WNK2: variants seen among roughly 807,000 people sequenced by gnomAD.
The protein encoded by WNK2 is serine/threonine-protein kinase WNK2.
In WNK2, 67 loss-of-function variants were observed where a neutral mutation model predicts 192.1. The ratio of observed to expected loss-of-function variants is 0.35; its 90% CI spans 0.29 to 0.43. WNK2 has a LOEUF of 0.43. WNK2 is among the 20% of genes least tolerant of loss of function. The pLI is 1.00. For missense variants in WNK2, 2,698 were observed against 3,089.7 expected (o/e 0.87, Z 3.01); for synonymous variants, 1,439 against 1,393.9 (o/e 1.03, Z -0.72).
chr9:93,279,451 G>A (rs1005984301), intron 19 of WNK2, among the ~76,000 whole-genome samples: 9 of 152,194 alleles, frequency 5.9e-5, no homozygotes, highest in African/African-American at 2.2e-4. Flanking sequence ...CCAAACAAGC[G>A]CCCTGTTCAT....
intron 23 of WNK2, among the ~76,000 whole-genome samples, chr9:93,293,898 ACT>A (rs1849794286): frequency 6.9e-6 from 1 of 144,208 alleles, no homozygotes; most frequent in Non-Finnish European, 1.5e-5. Context: ...TTTCTGGCAC[ACT>A]CTCTCTTCCT....
chr9:93,229,807 G>A lies in WNK2; in HGVS notation c.793G>A (p.Ala265Thr), dbSNP rs768196350. 5.6e-6 allele frequency: 9 copies of A among 1,613,944 alleles called. No homozygotes were observed. The South Asian group carries it at 6.6e-5, about 12-fold the overall frequency. ...VRFYDFWESS[A>T]KGKRCIVLVT... ...CTTCTACGACTTCTGGGAGTCCAGCGCCAAGGGCAAGCGGTGCATTGTGCT... is the reference window on the plus strand; with the variant it reads ...CTTCTACGACTTCTGGGAGTCCAGCACCAAGGGCAAGCGGTGCATTGTGCT... The change falls in exon 3 of 30, where the codon GCC becomes ACC. Residue 265 changes from alanine (A) to threonine (T), a missense_variant. By Grantham distance (58) the Ala-to-Thr change is moderately conservative. This residue lies in a region of WNK2 where 230 missense variants were observed against 501.1 expected (regional missense o/e 0.46). Transcript: ENST00000427277. This position sits in a 1 kb window ranked among gnomAD's most constrained non-coding sequence, Gnocchi z 4.9.
chr9:93,249,421 G>A (rs1293856768), intron 8 of WNK2, among the ~76,000 whole-genome samples: 2 of 152,192 alleles, frequency 1.3e-5, no homozygotes, highest in African/African-American at 4.8e-5. Flanking sequence ...CAGACCAACT[G>A]AGGATTCTGT....
At chr9:93,240,736 G>A (rs1840628546) in intron 7 of WNK2, among the ~76,000 whole-genome samples, 1 of 152,194 alleles carries the variant, frequency 6.6e-6, no homozygotes. Context: ...GTGGGGACAG[G>A]TGCAGCAGGT....
At chr9:93,254,599 A>C (rs1371814946) in intron 9 of WNK2, among the ~76,000 whole-genome samples, 2 of 152,228 alleles carry the variant, frequency 1.3e-5, no homozygotes, top group Non-Finnish European at 2.9e-5. Context: ...ACTCATTTGC[A>C]ATTTGCATTT....
chr9:93,309,297 A>G (rs1853210713), intron 28 of WNK2: 1 of 219,998 alleles, frequency 4.5e-6, no homozygotes, highest in African/African-American at 2.3e-5. Context: ...GTGAACATCC[A>G]TAGGACCCAC....
chr9:93,267,933 C>T lies in WNK2; in HGVS notation c.3867+17C>T, dbSNP rs56041282. The stretch of plus-strand genomic sequence containing the variant: ...ACCGGGGAGGTGAGGTTGTGAAATC[C>T]GGGGTGGGAGGTGGTGAGAGTGCAG... On this transcript the variant is annotated intron_variant, in intron 17 of 29. Coordinates refer to ENST00000427277, the MANE Select transcript of WNK2 (RefSeq NM_006648.4). 73 of 1,610,968 alleles carry T rather than the reference C, an allele frequency of 4.5e-5. 1 individual carries two copies. The African/African-American group carries it at 5.2e-4, about 11-fold the overall frequency.
intron 2 of WNK2, among the ~76,000 whole-genome samples, chr9:93,187,898 TGTGCTCCTGGGTGGGATGTGGG>T (rs1217477921): frequency 3.3e-5 from 5 of 150,880 alleles, no homozygotes; most frequent in Non-Finnish European, 7.4e-5. Context: ...GCGAGGGGAG[TGTGCTCCTGGGTGGGATGTGGG>T]GTCAGGTCTC....
At chr9:93,317,497 C>T (rs1310967411) in intron 28 of WNK2, 23 bp from the exon 29 acceptor site, 1 of 1,612,352 alleles carries the variant, frequency 6.2e-7, no homozygotes, top group Non-Finnish European at 8.5e-7. Flanking sequence ...GTACCTTCCT[C>T]TTCTCGTCTC....
Position 93,289,999 on chromosome 9 carries a change from C to T in WNK2, c.4888C>T (p.Pro1630Ser). 4.4e-6 allele frequency: 7 copies of T among 1,577,946 alleles called. No homozygotes were observed. In the Admixed American group the frequency reaches 1.1e-4, roughly 24 times the overall value. ...CCAGGTGGAGAAGTCAGAACTGGCC[C>T]CCACTCGAGGGGCCGTGATGGAGCA... ...QPLVEKSELA[P>S]TRGAVMEQGT... The change falls in exon 21 of 30, where the codon CCC becomes TCC. Residue 1630 changes from proline to serine, a missense_variant. Coordinates refer to ENST00000427277, the MANE Select transcript of WNK2 (RefSeq NM_006648.4).
chr9:93,306,052 C>A (rs1223752708), intron 26 of WNK2, among the ~76,000 whole-genome samples: 4 of 152,294 alleles, frequency 2.6e-5, no homozygotes, highest in African/African-American at 7.2e-5. Context: ...ATACCAGGTG[C>A]CCTCTGGGTA....
rs368180906 is a variant in WNK2, at chr9:93,259,254, C to A, written c.2706C>A (p.Ala902=). ...TGGCTGCCCTGTCCATTCATTCTGC[C>A]GTGGCCCAGCTCCCAGGCCAACCTG... The part of the protein sequence containing the change: ...PGVAALSIHS[A]VAQLPGQPVY... Residue 902 remains alanine, a synonymous_variant, in exon 12 of 30, where the codon GCC becomes GCA. Coordinates refer to ENST00000427277, the MANE Select transcript of WNK2 (RefSeq NM_006648.4). This position sits in a 1 kb window ranked among gnomAD's most constrained non-coding sequence, Gnocchi z 4.8. 3 of 1,613,472 alleles carry A rather than the reference C, an allele frequency of 1.9e-6. No homozygotes were observed. Among genetic ancestry groups the A allele is most frequent in the Non-Finnish European group, 2.5e-6 (3 of 1,179,796 alleles).
chr9:93,255,222 T>C (rs1318449712), intron 9 of WNK2, among the ~76,000 whole-genome samples: 1 of 152,076 alleles, frequency 6.6e-6, no homozygotes, highest in East Asian at 1.9e-4. Context: ...TTTCCTGGGA[T>C]GGTTGCCATG....
At chr9:93,306,585 C>A in intron 26 of WNK2, 192 bp from the exon 27 acceptor site, 1 of 656,242 alleles carries the variant, frequency 1.5e-6, no homozygotes, top group Non-Finnish European at 2.7e-6. Context: ...CTCGGCGAAG[C>A]TCGTGGGAGC....
intron 26 of WNK2, among the ~76,000 whole-genome samples, chr9:93,306,384 C>T (rs1036145747): frequency 1.5e-4 from 23 of 152,214 alleles, no homozygotes; most frequent in African/African-American, 4.6e-4. Context: ...CTCCCGTGGC[C>T]GACTCAGCAG....
At chr9:93,248,849 T>A (rs982717654) in intron 8 of WNK2, among the ~76,000 whole-genome samples, 1 of 152,220 alleles carries the variant, frequency 6.6e-6, no homozygotes, top group Non-Finnish European at 1.5e-5. Context: ...TGAATATGCA[T>A]GGGATAGAAT....
chr9:93,304,294 TG>T (rs921331223), intron 26 of WNK2, among the ~76,000 whole-genome samples: 1 of 152,160 alleles, frequency 6.6e-6, no homozygotes, highest in Admixed American at 6.5e-5. Context: ...CACTTGCGCC[TG>T]GGGGGCTTCA....
At chr9:93,196,861 C>T (rs73519550) in intron 2 of WNK2, among the ~76,000 whole-genome samples, 203 of 152,254 alleles carry the variant, frequency 1.3e-3, no homozygotes, top group Admixed American at 2.3e-3. Context: ...CCAAGACTGT[C>T]AGTGTCTGTG....
At chr9:93,265,443 C>T (rs764261931) in intron 16 of WNK2, among the ~76,000 whole-genome samples, 49 of 152,194 alleles carry the variant, frequency 3.2e-4, no homozygotes, top group Non-Finnish European at 5.4e-4. Flanking sequence ...AGGCTGAAGA[C>T]ATGATGGGGC....
Sources: gnomAD v4.1 joint callset for allele counts (sites outside exome capture counted in the v4.1 genomes callset) on GRCh38, gnomAD v4.1.1 for gene constraint, gnomAD v4.1.1 regional missense constraint, Gnocchi (gnomAD v3.1) non-coding constraint, MANE v1.5 for transcripts, NCBI Gene and HGNC (gene_info 2026-07-23, HGNC 2026-07-21) for gene names.